ADGRL1: variants seen among roughly 807,000 people sequenced by gnomAD.
ADGRL1 encodes adhesion G protein-coupled receptor L1.
In ADGRL1, 31 loss-of-function variants were observed where a neutral mutation model predicts 148.9. The ratio of observed to expected loss-of-function variants is 0.21; its 90% CI spans 0.16 to 0.28. The LOEUF (loss-of-function observed/expected upper bound fraction) is 0.28, where lower values mean the gene tolerates loss of function less well. Among genes scored for constraint, ADGRL1 ranks in the 10% least tolerant of loss-of-function variants. The probability of loss-of-function intolerance (pLI) is 1.00; values close to 1 mark genes in which losing one functional copy is unlikely to be tolerated. For synonymous variants in ADGRL1, 937 were observed against 900.3 expected, an observed-to-expected ratio of 1.04 and a Z score of -0.73; for missense variants, 1,521 against 2,058.8, an observed-to-expected ratio of 0.74 and a Z score of 5.05.
Position 14,150,694 on chromosome 19 carries a change from T to C in ADGRL1, c.*179A>G, listed in dbSNP as rs1968072319. 1 of 675,588 alleles carries C rather than the reference T, an allele frequency of 1.5e-6. No homozygotes were observed. The highest frequency in any genetic ancestry group is 1.9e-5 in the African/African-American group (1 of 53,780). 41.8% of individuals were successfully genotyped at this position (675,588 alleles called of 1,614,324 possible). A position where few individuals can be genotyped will look rare whatever the true frequency, so the allele number is the denominator to read the frequency against. On this transcript the variant is annotated 3_prime_UTR_variant, in exon 23 of 23. Transcript: ENST00000361434. Reference sequence around the variant, plus strand: ...GGTGGGAAACCCTGTCTGTGAACCCTGGCACCTCAGGCCCCCAGGTTAGAG... The same window carrying C: ...GGTGGGAAACCCTGTCTGTGAACCCCGGCACCTCAGGCCCCCAGGTTAGAG...
At chr19:14,166,106 C>T (rs1050442093) in intron 4 of ADGRL1, among the ~76,000 whole-genome samples, 26 of 151,990 alleles carry the variant, frequency 1.7e-4, no homozygotes, top group African/African-American at 5.3e-4. Flanking sequence ...CCCCGCCGCC[C>T]GCCGCCCATC....
At chr19:14,176,177 C>A (rs552196527) in intron 3 of ADGRL1, among the ~76,000 whole-genome samples, 1 of 151,698 alleles carries the variant, frequency 6.6e-6, no homozygotes. Context: ...GGTGACACCC[C>A]GTCTCTATTA....
In ADGRL1 at chr19:14,159,742, T is replaced by G. The variant is rs1969146363; in HGVS notation, c.1832A>C (p.Tyr611Ser). ...GGACCCCCTGGGTCTCACCTTGATA[T>G]AATCCTTACAAGTTCTCTCTCGCTT... is the stretch of plus-strand genomic sequence containing the variant. Reference protein sequence around the residue: ...MHKRERTCKDYIKAVVETVDN... With the variant: ...MHKRERTCKDSIKAVVETVDN... The change falls in exon 9 of 23, where the codon TAT becomes TCT. Residue 611 changes from tyrosine to serine, a missense_variant. Tyr to Ser is a moderately radical substitution (Grantham distance 144). This residue lies in a region of ADGRL1 where 265 missense variants were observed against 431.9 expected (regional missense o/e 0.61). Coordinates refer to ENST00000361434, the MANE Select transcript of ADGRL1 (RefSeq NM_014921.5). This position sits in a 1 kb window ranked among gnomAD's most constrained non-coding sequence, Gnocchi z 6.0. 7 of 1,613,896 alleles carry G rather than the reference T, an allele frequency of 4.3e-6. No homozygotes were observed. Among genetic ancestry groups the G allele is most frequent in the Non-Finnish European group, 5.9e-6 (7 of 1,179,882 alleles).
chr19:14,200,278 A>T (rs112255410), intron 1 of ADGRL1, among the ~76,000 whole-genome samples: 2,572 of 152,044 alleles, frequency 0.017, 80 homozygotes, highest in Non-Finnish European at 0.016. Flanking sequence ...GAGTGGGAGG[A>T]GGTGAGAGCA....
chr19:14,181,701 CAA>C (rs949088812), intron 2 of ADGRL1, among the ~76,000 whole-genome samples: 7 of 152,150 alleles, frequency 4.6e-5, no homozygotes, highest in African/African-American at 1.7e-4. Flanking sequence ...GCCTGGGCGA[CAA>C]GAGCAAAACT....
rs749260278 is a variant in ADGRL1, at chr19:14,157,442, C to T, written c.2554G>A (p.Glu852Lys). The change falls in exon 14 of 23, where the codon GAG becomes AAG. Residue 852 changes from glutamate to lysine, a missense_variant. This residue lies in a region of ADGRL1 where 265 missense variants were observed against 431.9 expected (regional missense o/e 0.61). Coordinates refer to ENST00000361434, the MANE Select transcript of ADGRL1 (RefSeq NM_014921.5). The surrounding 1 kb of genome is among the most constrained non-coding windows in gnomAD (Gnocchi z 7.5). ...HREIYQGRIN[E>K]LLLSVITWVG... is the part of the protein sequence containing the mutation. ...CAGGTGATGACCGACAGCAGCAGCT[C>T]GTTGATGCGGCCCTGGTACTGGGGA... 3 of 1,614,062 alleles carry T rather than the reference C, an allele frequency of 1.9e-6. No homozygotes were observed. Among genetic ancestry groups the T allele is most frequent in the Non-Finnish European group, 2.5e-6 (3 of 1,180,022 alleles).
intron 4 of ADGRL1, chr19:14,169,374 A>C (rs1318432099): frequency 6.6e-6 from 1 of 152,172 alleles, no homozygotes; most frequent in Non-Finnish European, 1.5e-5. Context: ...CGAGCCTTGA[A>C]CCTACACCCA....
chr19:14,161,304 G>A lies in ADGRL1; in HGVS notation c.1510+8C>T. ...CATCCCTCCCCTGGCTGCAGCCTCT[G>A]TACTCACCTCGAGTCCCCTTGGGGC... On this transcript the variant is annotated splice_region_variant and intron_variant, in intron 6 of 22. Coordinates refer to ENST00000361434, the MANE Select transcript of ADGRL1 (RefSeq NM_014921.5). The surrounding 1 kb of genome is among the most constrained non-coding windows in gnomAD (Gnocchi z 4.4). 1.3e-6 allele frequency: 2 copies of A among 1,574,272 alleles called. No individual in the cohort carries two copies. The highest frequency in any genetic ancestry group is 1.7e-6 in the Non-Finnish European group (2 of 1,165,568).
chr19:14,177,998 T>C (rs545786256), intron 2 of ADGRL1, among the ~76,000 whole-genome samples: 43 of 152,136 alleles, frequency 2.8e-4, no homozygotes, highest in Non-Finnish European at 5.6e-4. Context: ...ATGCTCTGCT[T>C]GATAAGAGTG....
chr19:14,174,825 T>C (rs12981358), intron 3 of ADGRL1, among the ~76,000 whole-genome samples: 26,094 of 144,654 alleles, frequency 0.18, 2,720 homozygotes, highest in African/African-American at 0.3. Context: ...CGTGAAACAC[T>C]GCACCTGGTC....
At position 14,166,878 on chromosome 19, in the gene ADGRL1, C is replaced by T. The variant is rs1045441748; in HGVS notation, c.395-3472G>A. On this transcript the variant is annotated intron_variant, in intron 4 of 22. Transcript: ENST00000361434. ...AGGGCTGGTCCCACTGGGAGGACAACCCAGGGTGGGGGATACCGACCGGAC... is the reference window on the plus strand; with the variant it reads ...AGGGCTGGTCCCACTGGGAGGACAATCCAGGGTGGGGGATACCGACCGGAC... 2.1e-5 allele frequency: 19 copies of T among 897,424 alleles called. 1 individual carries two copies. Among genetic ancestry groups the T allele is most frequent in the Admixed American group, 9.5e-5 (5 of 52,656 alleles). The allele number at this position is 897,424 out of a possible 1,614,324, so 55.6% of individuals were successfully genotyped here.
intron 1 of ADGRL1, among the ~76,000 whole-genome samples, chr19:14,204,713 T>TGAGAGAGAGAGAGAGA (rs74181774): frequency 1.5e-3 from 212 of 142,984 alleles, no homozygotes; most frequent in African/African-American, 5.2e-3. Context: ...ACAGAGAGAG[T>TGAGAGAGAGAGAGAGA]GAGAGAGAGA....
At chr19:14,174,396 C>G (rs1002783677) in intron 3 of ADGRL1, among the ~76,000 whole-genome samples, 7 of 152,072 alleles carry the variant, frequency 4.6e-5, no homozygotes, top group Non-Finnish European at 1.0e-4. Flanking sequence ...GAGAGAGAGG[C>G]AGAGAGGAGG....
Position 14,183,479 on chromosome 19 carries a change from C to T in ADGRL1, c.70+54G>A. The T allele has an allele frequency of 6.1e-6, 9 of 1,473,854 alleles. 1 individual carries two copies. In the South Asian group the frequency reaches 9.8e-5, roughly 16 times the overall value. The allele number at this position is 1,473,854 out of a possible 1,614,324, so 91.3% of individuals were successfully genotyped here. On this transcript the variant is annotated intron_variant, in intron 2 of 22. Coordinates refer to ENST00000361434, the MANE Select transcript of ADGRL1 (RefSeq NM_014921.5). Reference sequence around the variant, plus strand: ...GAGGGTTTTCAACATTTTATCTGCCCCCCCCAGAAGGGTTTGGGAGCCGCG... The same window carrying T: ...GAGGGTTTTCAACATTTTATCTGCCTCCCCCAGAAGGGTTTGGGAGCCGCG...
chr19:14,150,950 C>G lies in ADGRL1; in HGVS notation c.4333G>C (p.Gly1445Arg). 3 of 1,609,568 alleles carry G rather than the reference C, an allele frequency of 1.9e-6. No homozygotes were observed. The highest frequency in any genetic ancestry group is 2.5e-6 in the Non-Finnish European group (3 of 1,178,750). The change falls in exon 23 of 23, where the codon GGC (glycine) becomes CGC (arginine). Residue 1445 changes from glycine to arginine, a missense_variant. Physicochemically the swap from Gly to Arg is moderately radical, Grantham distance 125. Around this residue, in one of 8 missense-constraint regions of ADGRL1, gnomAD observed 390 missense variants for 375.0 expected, o/e 1.04. Transcript: ENST00000361434. The stretch of plus-strand genomic sequence containing the variant: ...TCAAGGCCTGGGGCTGCCAGGTAGC[C>G]CTCGTGGCTAGGACGCCGCACCTGG... ...YYQVRRPSHEGYLAAPGLEGP... is the reference protein window; with the variant it reads ...YYQVRRPSHERYLAAPGLEGP...
rs1969114263 is a variant in ADGRL1, at chr19:14,159,482, C to T, written c.1942G>A (p.Asp648Asn). The change falls in exon 10 of 23, where the codon GAC becomes AAC. Residue 648 changes from aspartate to asparagine, a missense_variant. Around this residue, in one of 8 missense-constraint regions of ADGRL1, gnomAD observed 265 missense variants for 431.9 expected, o/e 0.61. Coordinates refer to ENST00000361434, the MANE Select transcript of ADGRL1 (RefSeq NM_014921.5). The surrounding 1 kb of genome is among the most constrained non-coding windows in gnomAD (Gnocchi z 6.0). ...EQVHTATMLL[D>N]VLEEGAFLLA... ...AGGAAGGCGCCCTCCTCCAGGACGTCGAGGAGCATGGTGGCCGTGTGCACC... is the reference window on the plus strand; with the variant it reads ...AGGAAGGCGCCCTCCTCCAGGACGTTGAGGAGCATGGTGGCCGTGTGCACC... 3 of 1,613,334 alleles carry T rather than the reference C, an allele frequency of 1.9e-6. No individual in the cohort carries two copies. Among genetic ancestry groups the T allele is most frequent in the Non-Finnish European group, 1.7e-6 (2 of 1,179,776 alleles).
At chr19:14,203,451 C>T (rs1464367971) in intron 1 of ADGRL1, among the ~76,000 whole-genome samples, 5 of 152,186 alleles carry the variant, frequency 3.3e-5, no homozygotes, top group African/African-American at 1.2e-4. Context: ...GCAACACATG[C>T]TCTGCCACCA....
intron 3 of ADGRL1, among the ~76,000 whole-genome samples, chr19:14,172,700 G>A (rs772744800): frequency 6.6e-5 from 10 of 152,070 alleles, no homozygotes; most frequent in South Asian, 2.1e-4. Flanking sequence ...AGATCGCACC[G>A]CTGTACTCCA....
In ADGRL1 at chr19:14,159,582, G is replaced by A. The variant is rs373047334; in HGVS notation, c.1842C>T (p.Ala614=). ...RERTCKDYIK[A]VVETVDNLLR... The stretch of plus-strand genomic sequence containing the variant: ...GCAGATTGTCCACTGTCTCCACCAC[G>A]GCCTGCACAGGCAGAGGGCATGGTG... The change falls in exon 10 of 23, where the codon GCC becomes GCT. Residue 614 remains alanine (A), a splice_region_variant and synonymous_variant. Coordinates refer to ENST00000361434, the MANE Select transcript of ADGRL1 (RefSeq NM_014921.5). The surrounding 1 kb of genome is among the most constrained non-coding windows in gnomAD (Gnocchi z 6.0). The A allele has an allele frequency of 3.5e-5, 56 of 1,594,914 alleles. No homozygotes were observed. Among genetic ancestry groups the A allele is most frequent in the Middle Eastern group, 1.7e-4 (1 of 5,978 alleles).
Sources: gnomAD v4.1 joint callset for allele counts (sites outside exome capture counted in the v4.1 genomes callset) on GRCh38, gnomAD v4.1.1 for gene constraint, gnomAD v4.1.1 regional missense constraint, Gnocchi (gnomAD v3.1) non-coding constraint, MANE v1.5 for transcripts, NCBI Gene and HGNC (gene_info 2026-07-23, HGNC 2026-07-21) for gene names.